The following DENND1B variants were observed in gnomAD, a reference collection of about 807,000 sequenced individuals.
DENND1B encodes the protein DENN domain-containing protein 1B.
A neutral mutation model predicts 90.1 loss-of-function variants in DENND1B; 59 were observed. That is an observed-to-expected ratio of 0.65 (90% CI 0.53 to 0.81). The LOEUF (loss-of-function observed/expected upper bound fraction) is 0.81, where lower values mean the gene tolerates loss of function less well. DENND1B is among the 40% of genes least tolerant of loss of function. The probability of loss-of-function intolerance (pLI) is 0.00; values close to 1 mark genes in which losing one functional copy is unlikely to be tolerated. For synonymous variants in DENND1B, 337 were observed against 324.6 expected (o/e 1.04, Z -0.41); for missense variants, 862 against 912.6 (o/e 0.94, Z 0.71).
intron 3 of DENND1B, among the ~76,000 whole-genome samples, chr1:197,691,410 T>C (rs950208113): frequency 1.3e-5 from 2 of 151,964 alleles, no homozygotes; most frequent in African/African-American, 4.8e-5. Flanking sequence ...TTGGATATCA[T>C]TTCACACCTG....
intron 2 of DENND1B, among the ~76,000 whole-genome samples, chr1:197,722,774 T>C (rs978423493): frequency 6.6e-6 from 1 of 152,132 alleles, no homozygotes; most frequent in Admixed American, 6.5e-5. Flanking sequence ...CTTGCAAAAA[T>C]AGAGATCACA....
chr1:197,534,687 T>C (rs1337153379), intron 20 of DENND1B, among the ~76,000 whole-genome samples: 2 of 152,218 alleles, frequency 1.3e-5, no homozygotes, highest in African/African-American at 2.4e-5. Flanking sequence ...TTTAAGGTTC[T>C]TTGTAAGATA....
intron 5 of DENND1B, 138 bp downstream of exon 5, chr1:197,671,899 G>A (rs1655545076): frequency 8.4e-6 from 7 of 837,774 alleles, no homozygotes; most frequent in Non-Finnish European, 1.2e-5. Flanking sequence ...AACTGATTCT[G>A]TATACAGAAA....
At chr1:197,639,672 T>C (rs554245058) in intron 10 of DENND1B, among the ~76,000 whole-genome samples, 8 of 152,262 alleles carry the variant, frequency 5.3e-5, no homozygotes, top group Non-Finnish European at 8.8e-5. Context: ...AAACACATTA[T>C]AGTCTCCGTG....
At chr1:197,609,206 CTGA>C (rs1423635154) in intron 12 of DENND1B, among the ~76,000 whole-genome samples, 1 of 150,476 alleles carries the variant, frequency 6.6e-6, no homozygotes, top group Non-Finnish European at 1.5e-5. Context: ...TAGACATAGA[CTGA>C]AATGCTTATT....
intron 2 of DENND1B, among the ~76,000 whole-genome samples, chr1:197,750,088 C>T (rs1459179577): frequency 1.3e-5 from 2 of 152,298 alleles, no homozygotes; most frequent in South Asian, 2.1e-4. Context: ...CTCAAGCAAT[C>T]CTCCCACCTC....
intron 11 of DENND1B, among the ~76,000 whole-genome samples, chr1:197,617,307 G>C (rs1262555996): frequency 6.6e-6 from 1 of 151,086 alleles, no homozygotes; most frequent in Admixed American, 6.6e-5. Context: ...AGATTTGCCA[G>C]ACAAATTCTG....
In DENND1B at chr1:197,673,159, T is replaced by TA. The variant is rs567914762; in HGVS notation, c.176+960dup. Among the ~76,000 whole-genome samples the TA allele has an allele frequency of 7.6e-3, 1,116 of 147,428 alleles. 5 individuals are homozygous for TA. The highest frequency in any genetic ancestry group is 0.012 in the Non-Finnish European group (803 of 66,320). ...TTCTTACACTTTAATAAACTTAAAA[T>TA]AAAAAAAAAACCCTCTAGTGACAAA... On this transcript the variant is annotated intron_variant, in intron 4 of 22. Transcript: ENST00000620048.
intron 2 of DENND1B, among the ~76,000 whole-genome samples, chr1:197,716,101 T>C (rs1474417347): frequency 6.6e-6 from 1 of 151,834 alleles, no homozygotes; most frequent in Non-Finnish European, 1.5e-5. Flanking sequence ...TTCCATTATT[T>C]CCAATATTTC....
intron 15 of DENND1B, among the ~76,000 whole-genome samples, chr1:197,571,590 T>C (rs1285863039): frequency 6.6e-6 from 1 of 152,226 alleles, no homozygotes; most frequent in Non-Finnish European, 1.5e-5. Flanking sequence ...TCTCATATAC[T>C]CTGAACTTTT....
intron 14 of DENND1B, among the ~76,000 whole-genome samples, chr1:197,583,985 C>T (rs965026718): frequency 2.0e-5 from 3 of 152,044 alleles, no homozygotes; most frequent in African/African-American, 7.2e-5. Flanking sequence ...CTGAACAGCC[C>T]TTTAGCCCAT....
chr1:197,775,192 C>A lies in DENND1B; in HGVS notation c.-37G>T, dbSNP rs1315350263. On this transcript the variant is annotated 5_prime_UTR_variant, in exon 1 of 23. Coordinates refer to ENST00000620048, the MANE Select transcript of DENND1B (RefSeq NM_001195215.2). ...GGTGTGGGGCTGTCCGTCCGGCCCC[C>A]GCGCGCTGGCCTGGAAGCCCGCAGC... 7.9e-7 allele frequency: 1 copy of A among 1,262,008 alleles called. No individual in the cohort carries two copies. Among genetic ancestry groups the A allele is most frequent in the Non-Finnish European group, 1.0e-6 (1 of 999,166 alleles). 78.2% of individuals were successfully genotyped at this position (1,262,008 alleles called of 1,614,324 possible).
Position 197,663,107 on chromosome 1 carries a change from A to G in DENND1B, c.297-4738T>C, listed in dbSNP as rs931618616. 7.2e-5 allele frequency among the ~76,000 whole-genome samples: 11 copies of G among 152,268 alleles called. No homozygotes were observed. In the East Asian group the frequency reaches 1.9e-3, roughly 27 times the overall value. ...CCAATTATTTATCAACATTCTAAGT[A>G]TGAAATTTTAACCTAATCAAAAGAC... is the stretch of plus-strand genomic sequence containing the variant. On this transcript the variant is annotated intron_variant, in intron 5 of 22. Coordinates refer to ENST00000620048, the MANE Select transcript of DENND1B (RefSeq NM_001195215.2).
chr1:197,567,385 AC>A (rs1232779842), intron 15 of DENND1B, among the ~76,000 whole-genome samples: 3 of 152,094 alleles, frequency 2.0e-5, no homozygotes, highest in Admixed American at 6.6e-5. Context: ...AAAACCCCAG[AC>A]CTGATGACTC....
chr1:197,556,840 C>G (rs146226410), intron 15 of DENND1B, among the ~76,000 whole-genome samples: 58 of 152,100 alleles, frequency 3.8e-4, no homozygotes, highest in African/African-American at 1.4e-3. Context: ...AGTACCACCA[C>G]CTTTTCTATC....
intron 2 of DENND1B, among the ~76,000 whole-genome samples, chr1:197,725,349 G>C (rs890411367): frequency 6.6e-6 from 1 of 152,068 alleles, no homozygotes; most frequent in Non-Finnish European, 1.5e-5. Flanking sequence ...CAGGAATGTA[G>C]GGAAAATAAA....
intron 9 of DENND1B, 69 bp from the exon 10 acceptor site, chr1:197,642,890 C>A: frequency 1.9e-6 from 2 of 1,057,362 alleles, no homozygotes; most frequent in South Asian, 1.5e-5. Flanking sequence ...ATTTTACACA[C>A]TTACCAGAAA....
intron 9 of DENND1B, among the ~76,000 whole-genome samples, chr1:197,644,078 T>C (rs934239367): frequency 6.6e-6 from 1 of 152,236 alleles, no homozygotes; most frequent in Non-Finnish European, 1.5e-5. Context: ...AACCTGTAAC[T>C]ATCAGTGGGT....
chr1:197,625,219 C>G (rs903954669), intron 10 of DENND1B, among the ~76,000 whole-genome samples: 2 of 152,018 alleles, frequency 1.3e-5, no homozygotes, highest in African/African-American at 4.8e-5. Flanking sequence ...TTGTCAGATT[C>G]ACCAAAGTTG....
Sources: gnomAD v4.1 joint callset for allele counts (sites outside exome capture counted in the v4.1 genomes callset) on GRCh38, gnomAD v4.1.1 for gene constraint, MANE v1.5 for transcripts, NCBI Gene and HGNC (gene_info 2026-07-23, HGNC 2026-07-21) for gene names.